Variants in PCSK5 observed in about 807,000 individuals in gnomAD.
PCSK5 encodes the protein prohormone convertase 5.
A neutral mutation model predicts 233.2 loss-of-function variants in PCSK5; 129 were observed. The observed-to-expected ratio is 0.55, with a 90% confidence interval of 0.48 to 0.64. PCSK5 has a LOEUF of 0.64. Ranked by LOEUF, PCSK5 falls within the 30% of genes least tolerant of loss-of-function variation. PCSK5 has a pLI of 0.00. For missense variants in PCSK5, 2,076 were observed against 2,430.1 expected (o/e 0.85, Z 3.06); for synonymous variants, 825 against 879.2 (o/e 0.94, Z 1.09).
At chr9:76,197,852 A>AAT (rs1824763396) in intron 20 of PCSK5, among the ~76,000 whole-genome samples, 1 of 152,146 alleles carries the variant, frequency 6.6e-6, no homozygotes, top group Non-Finnish European at 1.5e-5. Context: ...TCCCTTTCTA[A>AAT]ATGTTATGTT....
At chr9:76,316,132 GA>G (rs1427876607) in intron 30 of PCSK5, among the ~76,000 whole-genome samples, 1 of 152,020 alleles carries the variant, frequency 6.6e-6, no homozygotes, top group Non-Finnish European at 1.5e-5. Flanking sequence ...CTAGCATTGA[GA>G]TTCCCTGGAG....
rs189622390 is a variant in PCSK5 at position 76,247,587 on chromosome 9, A to G, written c.3142+6903A>G. ...CAGCTAGGCTTAGGGATTCTTAGTC[A>G]GCCTAGGAAATCCAGCTAGTCCTGT... On this transcript the variant is annotated intron_variant, in intron 24 of 37. Transcript: ENST00000674117. Among the ~76,000 whole-genome samples, 22 of 152,314 alleles carry G rather than the reference A, an allele frequency of 1.4e-4. No individual in the cohort carries two copies. The East Asian group carries it at 3.3e-3, about 23-fold the overall frequency.
intron 2 of PCSK5, among the ~76,000 whole-genome samples, chr9:75,963,012 A>C (rs1825421726): frequency 1.3e-5 from 2 of 152,248 alleles, no homozygotes; most frequent in Non-Finnish European, 2.9e-5. Context: ...TTCCTCATCC[A>C]TAATAATGTC....
chr9:75,973,871 GGA>G (rs1165057121), intron 2 of PCSK5, among the ~76,000 whole-genome samples: 1 of 152,126 alleles, frequency 6.6e-6, no homozygotes, highest in African/African-American at 2.4e-5. Context: ...GCCGAGGAGT[GGA>G]GAGAGAGAAC....
At chr9:76,115,399 A>G (rs960978167) in intron 9 of PCSK5, among the ~76,000 whole-genome samples, 1 of 152,214 alleles carries the variant, frequency 6.6e-6, no homozygotes, top group Admixed American at 6.5e-5. Flanking sequence ...TAAATTGCTC[A>G]TCTGCTTCTG....
At chr9:76,339,483 G>A (rs2643317) in intron 35 of PCSK5, among the ~76,000 whole-genome samples, 67,748 of 151,862 alleles carry the variant, frequency 0.45, 15,773 homozygotes, top group Middle Eastern at 0.55. Context: ...TATGAATATG[G>A]TATAATGGTA....
chr9:76,307,617 T>G (rs905926021), intron 28 of PCSK5, among the ~76,000 whole-genome samples: 9 of 152,084 alleles, frequency 5.9e-5, no homozygotes, highest in Non-Finnish European at 1.3e-4. Flanking sequence ...TTCCAATGTT[T>G]CCTTGGTTAA....
chr9:75,897,383 G>C (rs1564067320), intron 1 of PCSK5, among the ~76,000 whole-genome samples: 3 of 151,874 alleles, frequency 2.0e-5, no homozygotes. Flanking sequence ...ACAGGGGAGG[G>C]GGCAACTGAC....
At chr9:76,215,480 T>C (rs960019607) in intron 20 of PCSK5, among the ~76,000 whole-genome samples, 3 of 152,182 alleles carry the variant, frequency 2.0e-5, no homozygotes, top group Non-Finnish European at 4.4e-5. Flanking sequence ...ACCCCCGATA[T>C]GGGGCCCAGA....
chr9:76,117,210 T>G (rs1286028648), intron 9 of PCSK5, among the ~76,000 whole-genome samples: 1 of 152,086 alleles, frequency 6.6e-6, no homozygotes, highest in Non-Finnish European at 1.5e-5. Flanking sequence ...ACATGCATGG[T>G]CCTTGCCAGA....
intron 2 of PCSK5, among the ~76,000 whole-genome samples, chr9:75,936,674 A>G (rs1428678106): frequency 3.9e-5 from 6 of 152,074 alleles, no homozygotes; most frequent in Non-Finnish European, 7.4e-5. Context: ...GACTTCCTCC[A>G]CTGAAGTCTT....
At chr9:76,205,567 C>T (rs977883982) in intron 20 of PCSK5, among the ~76,000 whole-genome samples, 2 of 152,132 alleles carry the variant, frequency 1.3e-5, no homozygotes, top group Admixed American at 6.5e-5. Context: ...ACTGAAGTTC[C>T]GTCTCCCTGT....
chr9:76,068,203 G>A (rs1030177581), intron 6 of PCSK5, among the ~76,000 whole-genome samples, 160 bp downstream of exon 6: 2 of 152,012 alleles, frequency 1.3e-5, no homozygotes, highest in African/African-American at 2.4e-5. Context: ...GTTAGCATGC[G>A]CCTTTAAATA....
chr9:75,891,369 G>C lies in PCSK5; in HGVS notation c.188G>C (p.Gly63Ala). The stretch of plus-strand genomic sequence containing the variant: ...AGCAAGTACGGATTCATCAACATAG[G>C]ACAGGTAACGAACTACAGGCTAGCC... ...IASKYGFINI[G>A]QIGALKDYYH... The change falls in exon 1 of 38, where the codon GGA becomes GCA. Residue 63 changes from glycine to alanine, a missense_variant. By Grantham distance (60) the Gly-to-Ala change is moderately conservative (BLOSUM62 0). This residue lies in a region of PCSK5 where 190 missense variants were observed against 216.3 expected (regional missense o/e 0.88). Coordinates refer to ENST00000674117, the MANE Select transcript of PCSK5 (RefSeq NM_001372043.1). The C allele has an allele frequency of 6.4e-7, 1 of 1,552,164 alleles. No individual in the cohort carries two copies. Among genetic ancestry groups the C allele is most frequent in the Non-Finnish European group, 8.7e-7 (1 of 1,154,716 alleles).
At chr9:76,262,797 A>G (rs1363420466) in intron 24 of PCSK5, among the ~76,000 whole-genome samples, 1 of 151,114 alleles carries the variant, frequency 6.6e-6, no homozygotes, top group Non-Finnish European at 1.5e-5. Context: ...TAAACTAAAG[A>G]GCTTCTGCAC....
chr9:76,206,219 C>G (rs1825110262), intron 20 of PCSK5, among the ~76,000 whole-genome samples: 1 of 152,176 alleles, frequency 6.6e-6, no homozygotes, highest in Non-Finnish European at 1.5e-5. Flanking sequence ...ACCTTGAGAA[C>G]CACCAACACT....
At chr9:76,224,306 T>C (rs1825814912) in intron 20 of PCSK5, among the ~76,000 whole-genome samples, 1 of 152,006 alleles carries the variant, frequency 6.6e-6, no homozygotes, top group Non-Finnish European at 1.5e-5. Flanking sequence ...GAAAGAAGAT[T>C]ATAACAGTAG....
intron 6 of PCSK5, among the ~76,000 whole-genome samples, chr9:76,070,962 C>T (rs1013573856): frequency 1.3e-5 from 2 of 151,986 alleles, no homozygotes; most frequent in Non-Finnish European, 2.9e-5. Flanking sequence ...CAATTAGATG[C>T]TTGGTTGTGG....
At chr9:76,284,304 GT>G (rs1827983672) in intron 24 of PCSK5, among the ~76,000 whole-genome samples, 1 of 152,110 alleles carries the variant, frequency 6.6e-6, no homozygotes, top group Admixed American at 6.6e-5. Context: ...GAGGGACCCG[GT>G]GGGGGGTAAC....
Sources: allele counts gnomAD v4.1 joint callset (sites outside exome capture counted in the v4.1 genomes callset), GRCh38; gene constraint gnomAD v4.1.1; regional missense constraint gnomAD v4.1.1; transcripts MANE v1.5; gene names NCBI Gene and HGNC (gene_info 2026-07-23, HGNC 2026-07-21).